Variants in MAP1B observed in about 807,000 individuals in gnomAD.
MAP1B encodes the protein microtubule-associated protein 1B.
A neutral mutation model predicts 176.1 loss-of-function variants in MAP1B; 12 were observed. The ratio of observed to expected loss-of-function variants is 0.07; its 90% CI spans 0.04 to 0.11. MAP1B has a LOEUF of 0.11. Ranked by LOEUF, MAP1B falls within the 10% of genes least tolerant of loss-of-function variation. The pLI is 1.00. For missense variants in MAP1B, 2,523 were observed against 2,990.5 expected, an observed-to-expected ratio of 0.84 and a Z score of 3.65; for synonymous variants, 1,044 against 1,135.0, an observed-to-expected ratio of 0.92 and a Z score of 1.61.
chr5:72,163,852 T>C (rs1436753586), intron 2 of MAP1B, among the ~76,000 whole-genome samples: 3 of 152,146 alleles, frequency 2.0e-5, no homozygotes, highest in African/African-American at 7.2e-5. Flanking sequence ...TTCATATTTC[T>C]GTAACCCTGT....
At chr5:72,166,752 C>T (rs557616687) in intron 2 of MAP1B, among the ~76,000 whole-genome samples, 1 of 152,304 alleles carries the variant, frequency 6.6e-6, no homozygotes, top group Admixed American at 6.5e-5. Flanking sequence ...CAGTAGCTGG[C>T]TGGGTTCCAG....
chr5:72,176,870 G>A (rs144904830), intron 2 of MAP1B, among the ~76,000 whole-genome samples: 2 of 152,208 alleles, frequency 1.3e-5, no homozygotes, highest in Non-Finnish European at 1.5e-5. Context: ...GTGCAAGAGC[G>A]GATGAATGCG....
At position 72,139,563 on chromosome 5, in the gene MAP1B, G is replaced by T. The variant is rs113881183; in HGVS notation, c.286+23764G>T. ...GAGGCTCCTTTTGGGCCAACCCTTGGATCAGAGGTGTCCGAAGTCATCTTG... is the reference window on the plus strand; with the variant it reads ...GAGGCTCCTTTTGGGCCAACCCTTGTATCAGAGGTGTCCGAAGTCATCTTG... On this transcript the variant is annotated intron_variant, in intron 2 of 6. Transcript: ENST00000296755. 7.2e-3 allele frequency among the ~76,000 whole-genome samples: 1,090 copies of T among 152,270 alleles called. 8 individuals are homozygous for T. The highest frequency in any genetic ancestry group is 0.011 in the Non-Finnish European group (758 of 68,022).
intron 2 of MAP1B, among the ~76,000 whole-genome samples, chr5:72,169,812 G>A (rs1275785982): frequency 4.6e-5 from 7 of 152,322 alleles, no homozygotes; most frequent in Admixed American, 2.6e-4. Flanking sequence ...GAGCTATATA[G>A]TATAGAGACT....
In MAP1B at chr5:72,195,201, G is replaced by A. The variant is rs751977820; in HGVS notation, c.1846G>A (p.Val616Met). 18 of 1,613,720 alleles carry A rather than the reference G, an allele frequency of 1.1e-5. No homozygotes were observed. The highest frequency in any genetic ancestry group is 1.7e-5 in the Admixed American group (1 of 59,968). The change falls in exon 5 of 7, where the codon GTG becomes ATG. Residue 616 changes from valine (V) to methionine (M), a missense_variant. Physicochemically the swap from Val to Met is conservative, Grantham distance 21 (BLOSUM62 1). Transcript: ENST00000296755. ...TCCCAGCAAAGAAGAGCCATCTCCAGTGAAAGCCGAGGTGGCTGAGAAGCA... is the reference window on the plus strand; with the variant it reads ...TCCCAGCAAAGAAGAGCCATCTCCAATGAAAGCCGAGGTGGCTGAGAAGCA... ...EVPSKEEPSP[V>M]KAEVAEKQAT... is the part of the protein sequence containing the mutation.
intron 2 of MAP1B, among the ~76,000 whole-genome samples, chr5:72,161,107 G>C (rs536838802): frequency 7.9e-5 from 12 of 152,330 alleles, no homozygotes; most frequent in African/African-American, 2.4e-4. Flanking sequence ...CCAGGGGACT[G>C]AGAAGAGTGC....
chr5:72,131,128 T>C (rs1396860562), intron 2 of MAP1B, among the ~76,000 whole-genome samples: 2 of 152,178 alleles, frequency 1.3e-5, no homozygotes, highest in African/African-American at 4.8e-5. Flanking sequence ...CAGACATTGA[T>C]GAAATAGTCA....
chr5:72,171,511 G>A (rs1746540590), intron 2 of MAP1B, among the ~76,000 whole-genome samples: 1 of 152,142 alleles, frequency 6.6e-6, no homozygotes, highest in Non-Finnish European at 1.5e-5. Flanking sequence ...GATCACTTGA[G>A]CCCAGGAGGT....
Position 72,197,768 on chromosome 5 carries a change from C to T in MAP1B, c.4413C>T (p.Asp1471=), listed in dbSNP as rs766496064. The change falls in exon 5 of 7, where the codon GAC becomes GAT. Residue 1471 remains aspartate (D), a synonymous_variant. Coordinates refer to ENST00000296755, the MANE Select transcript of MAP1B (RefSeq NM_005909.5). ...KSTDFAPIKE[D]FGQEKKTDDV... is the part of the protein sequence containing the mutation. ...CAGACTTTGCACCAATAAAAGAAGA[C>T]TTTGGCCAAGAAAAGAAAACTGATG... The T allele has an allele frequency of 9.3e-6, 15 of 1,614,080 alleles. No homozygotes were observed. Among genetic ancestry groups the T allele is most frequent in the Middle Eastern group, 1.6e-4 (1 of 6,084 alleles).
intron 2 of MAP1B, among the ~76,000 whole-genome samples, chr5:72,175,971 C>T (rs1250643113): frequency 6.6e-6 from 1 of 152,136 alleles, no homozygotes; most frequent in Non-Finnish European, 1.5e-5. Context: ...TTTTTATTCT[C>T]TTAAGAAAAC....
intron 2 of MAP1B, among the ~76,000 whole-genome samples, chr5:72,132,323 T>C: frequency 6.6e-6 from 1 of 152,350 alleles, no homozygotes; most frequent in South Asian, 2.1e-4. Context: ...CTCTGAACCC[T>C]TTCAGCCTGG....
chr5:72,124,297 G>A (rs544800599), intron 2 of MAP1B, among the ~76,000 whole-genome samples: 127 of 152,272 alleles, frequency 8.3e-4, no homozygotes, highest in Admixed American at 2.7e-3. Flanking sequence ...GTACTCTGGG[G>A]AAGCGCACTT....
intron 2 of MAP1B, among the ~76,000 whole-genome samples, chr5:72,134,910 G>A (rs1002246759): frequency 6.8e-6 from 1 of 147,416 alleles, no homozygotes; most frequent in African/African-American, 2.5e-5. Context: ...ATGTCTTAAA[G>A]TCTCATTCCT....
rs371453645 is a variant in MAP1B, at chr5:72,197,850, G to T, written c.4495G>T (p.Asp1499Tyr). The T allele has an allele frequency of 1.2e-6, 2 of 1,614,212 alleles. No homozygotes were observed. Among genetic ancestry groups the T allele is most frequent in the Non-Finnish European group, 1.7e-6 (2 of 1,180,040 alleles). ...ALALDERKLG[D>Y]VSPTQIDVSQ... ...GGCTCTGGATGAAAGGAAATTAGGAGATGTTTCTCCCACACAAATAGATGT... is the reference window on the plus strand; with the variant it reads ...GGCTCTGGATGAAAGGAAATTAGGATATGTTTCTCCCACACAAATAGATGT... Residue 1499 changes from aspartate (D) to tyrosine (Y), a missense_variant, in exon 5 of 7, where the codon GAT (aspartate) becomes TAT (tyrosine). Asp to Tyr is a radical substitution (Grantham distance 160). This residue lies in a region of MAP1B where 1,925 missense variants were observed against 2,126.0 expected (regional missense o/e 0.91). Transcript: ENST00000296755.
At chr5:72,125,807 A>G (rs1247915790) in intron 2 of MAP1B, among the ~76,000 whole-genome samples, 2 of 152,214 alleles carry the variant, frequency 1.3e-5, no homozygotes, top group Non-Finnish European at 2.9e-5. Flanking sequence ...CTGAATTAAA[A>G]TATTTCCTAG....
chr5:72,171,710 T>C (rs1399789218), intron 2 of MAP1B, among the ~76,000 whole-genome samples: 1 of 152,106 alleles, frequency 6.6e-6, no homozygotes, highest in Non-Finnish European at 1.5e-5. Flanking sequence ...ACAGGGCCTG[T>C]AACTAAGGAT....
At position 72,107,626 on chromosome 5, in the gene MAP1B, T is replaced by C; in HGVS notation, c.95T>C (p.Phe32Ser). Residue 32 changes from phenylalanine to serine, a missense_variant, in exon 1 of 7, where the codon TTC (phenylalanine) becomes TCC (serine). Phe to Ser is a radical substitution (Grantham distance 155). This residue lies in a region of MAP1B where 307 missense variants were observed against 438.4 expected (regional missense o/e 0.70). Coordinates refer to ENST00000296755, the MANE Select transcript of MAP1B (RefSeq NM_005909.5). ...ASTSPSLSHR[F>S]LDSKFYLLVV... ...ACCTCGCCTAGCCTGTCGCACCGCT[T>C]CCTTGACAGCAAGTTCTACTTGCTG... is the stretch of plus-strand genomic sequence containing the variant. The C allele has an allele frequency of 1.2e-6, 2 of 1,600,186 alleles. No individual in the cohort carries two copies. Among genetic ancestry groups the C allele is most frequent in the Non-Finnish European group, 1.7e-6 (2 of 1,179,486 alleles).
At chr5:72,178,371 T>G (rs114443002) in intron 2 of MAP1B, among the ~76,000 whole-genome samples, 2,029 of 152,350 alleles carry the variant, frequency 0.013, 44 homozygotes, top group African/African-American at 0.047. Flanking sequence ...AACTTTACTT[T>G]TAGCTAAATC....
At chr5:72,177,194 G>T (rs1004107669) in intron 2 of MAP1B, among the ~76,000 whole-genome samples, 4 of 152,186 alleles carry the variant, frequency 2.6e-5, no homozygotes, top group Non-Finnish European at 5.9e-5. Flanking sequence ...GGGAGCCGAG[G>T]AAGTCTTCTG....
Sources: gnomAD v4.1 joint callset for allele counts (sites outside exome capture counted in the v4.1 genomes callset) on GRCh38, gnomAD v4.1.1 for gene constraint, gnomAD v4.1.1 regional missense constraint, MANE v1.5 for transcripts, NCBI Gene and HGNC (gene_info 2026-07-23, HGNC 2026-07-21) for gene names.